Variants in PRKD2 observed in about 807,000 individuals in gnomAD.
The protein encoded by PRKD2 is serine/threonine-protein kinase D2.
A neutral mutation model predicts 86.0 loss-of-function variants in PRKD2; 22 were observed. The ratio of observed to expected loss-of-function variants is 0.26; its 90% CI spans 0.18 to 0.37. The LOEUF (loss-of-function observed/expected upper bound fraction) is 0.37. PRKD2 is among the 10% of genes least tolerant of loss of function. PRKD2 has a pLI of 1.00. For missense variants in PRKD2, 818 were observed against 1,199.2 expected, an observed-to-expected ratio of 0.68 and a Z score of 4.70; for synonymous variants, 509 against 510.9, an observed-to-expected ratio of 1.00 and a Z score of 0.05.
chr19:46,701,126 G>A lies in PRKD2; in HGVS notation c.890-14C>T, dbSNP rs1485449136. The A allele has an allele frequency of 3.7e-6, 6 of 1,613,026 alleles. No homozygotes were observed. The highest frequency in any genetic ancestry group is 5.1e-6 in the Non-Finnish European group (6 of 1,178,988). ...TAAACTTGCAGTCTGGTAGGACAGG[G>A]AACAAGGGAACGGGTGAGAAGGGGA... On this transcript the variant is annotated splice_polypyrimidine_tract_variant and intron_variant, in intron 5 of 17. Transcript: ENST00000291281.
chr19:46,708,285 T>C (rs931240633), intron 3 of PRKD2, among the ~76,000 whole-genome samples: 1 of 149,758 alleles, frequency 6.7e-6, no homozygotes, highest in African/African-American at 2.5e-5. Flanking sequence ...AGAGTGTGGC[T>C]GTAATCCAAT....
chr19:46,697,252 G>C lies in PRKD2; in HGVS notation c.1240-18C>G. ...CGCTTTCTCTGCAGAGATGTTTGAA[G>C]AGTCACGTGAACCGCCAGACTTTCC... On this transcript the variant is annotated intron_variant, in intron 8 of 17. Coordinates refer to ENST00000291281, the MANE Select transcript of PRKD2 (RefSeq NM_016457.5). 1 of 1,553,774 alleles carries C rather than the reference G, an allele frequency of 6.4e-7. No individual in the cohort carries two copies. Among genetic ancestry groups the C allele is most frequent in the Non-Finnish European group, 8.9e-7 (1 of 1,128,152 alleles).
At chr19:46,697,320 C>A in intron 8 of PRKD2, 86 bp from the exon 9 acceptor site, 2 of 1,012,694 alleles carry the variant, frequency 2.0e-6, no homozygotes, top group South Asian at 2.9e-5. Flanking sequence ...GCTCCAGGTG[C>A]CTGGAGCACC....
At chr19:46,702,246 T>C (rs1412281256) in intron 5 of PRKD2, among the ~76,000 whole-genome samples, 1 of 151,876 alleles carries the variant, frequency 6.6e-6, no homozygotes, top group Non-Finnish European at 1.5e-5. Context: ...TTCCATGTTG[T>C]ACAAGCTGGT....
intron 5 of PRKD2, among the ~76,000 whole-genome samples, chr19:46,703,322 C>T (rs1005733236): frequency 6.6e-6 from 1 of 152,034 alleles, no homozygotes. Flanking sequence ...TCTAGGATTC[C>T]AAGGTTCTAA....
At chr19:46,710,322 G>C (rs2053786815) in intron 3 of PRKD2, 1 of 152,786 alleles carries the variant, frequency 6.5e-6, no homozygotes, top group Admixed American at 6.5e-5. Flanking sequence ...CCTCCCAAGT[G>C]GCTGGGACCA....
intron 14 of PRKD2, among the ~76,000 whole-genome samples, chr19:46,681,986 G>A (rs1012630507): frequency 1.1e-4 from 16 of 151,694 alleles, no homozygotes; most frequent in East Asian, 1.9e-4. Context: ...GACTACAGGC[G>A]TGCACCACCA....
At position 46,678,322 on chromosome 19, in the gene PRKD2, T is replaced by C. The variant is rs1177069713; in HGVS notation, c.2338+74A>G. The stretch of plus-strand genomic sequence containing the variant: ...CAGGCTGTTTCCGGGTCCACCCCCC[T>C]CTCATGGCTCCGCCCACTTCTCCAG... On this transcript the variant is annotated intron_variant, in intron 16 of 17. Transcript: ENST00000291281. This position sits in a 1 kb window ranked among gnomAD's most constrained non-coding sequence, Gnocchi z 5.7. The C allele has an allele frequency of 6.4e-7, 1 of 1,552,724 alleles. No homozygotes were observed. The highest frequency in any genetic ancestry group is 8.7e-7 in the Non-Finnish European group (1 of 1,151,736).
At chr19:46,674,973 G>T in intron 17 of PRKD2, 60 bp downstream of exon 17, 1 of 1,466,404 alleles carries the variant, frequency 6.8e-7, no homozygotes, top group South Asian at 1.2e-5. Flanking sequence ...GCCAATAAGC[G>T]ATCTACTCCC....
At chr19:46,688,814 A>ATG (rs1425462659) in intron 14 of PRKD2, 1 of 150,498 alleles carries the variant, frequency 6.6e-6, no homozygotes, top group Non-Finnish European at 1.5e-5. Context: ...GGGTCTCGCT[A>ATG]TGTTGCCCAG....
At chr19:46,714,333 C>G (rs1168995905) in intron 1 of PRKD2, 52 of 1,065,980 alleles carry the variant, frequency 4.9e-5, no homozygotes, top group Non-Finnish European at 5.8e-5. Context: ...ACACTCCCTC[C>G]CCTGTGCCTC....
In PRKD2 at chr19:46,676,200, G is replaced by T. The variant is rs549653416; in HGVS notation, c.2339-1082C>A. 1.2e-4 allele frequency among the ~76,000 whole-genome samples: 19 copies of T among 152,218 alleles called. No individual in the cohort carries two copies. In the South Asian group the frequency reaches 2.9e-3, roughly 23 times the overall value. On this transcript the variant is annotated intron_variant, in intron 16 of 17. Transcript: ENST00000291281. ...TCCCAACACTTTGGGAGGCCGAGGC[G>T]GGTGGATCACCCGAGGTCAGGAGTT...
At chr19:46,709,379 T>C in intron 3 of PRKD2, 1 of 163,960 alleles carries the variant, frequency 6.1e-6, no homozygotes, top group Non-Finnish European at 1.4e-5. Flanking sequence ...TTTCATTTTT[T>C]TGAGACAGAG....
intron 17 of PRKD2, 144 bp from the exon 18 acceptor site, chr19:46,674,879 C>T: frequency 3.5e-6 from 4 of 1,159,252 alleles, no homozygotes; most frequent in Non-Finnish European, 4.9e-6. Flanking sequence ...CATTTAGCTC[C>T]ACCCCCTCTT....
In PRKD2 at chr19:46,710,926, G is replaced by A; in HGVS notation, c.492C>T (p.Arg164=). The A allele has an allele frequency of 1.9e-6, 3 of 1,576,550 alleles. No homozygotes were observed. The highest frequency in any genetic ancestry group is 2.6e-6 in the Non-Finnish European group (3 of 1,160,946). Residue 164 remains arginine (R), a synonymous_variant, in exon 3 of 18, where the codon CGC becomes CGT. Coordinates refer to ENST00000291281, the MANE Select transcript of PRKD2 (RefSeq NM_016457.5). The part of the protein sequence containing the change: ...HCGEMLFGLV[R]QGLKCDGCGL... ...TCTCACCATCGCACTTGAGGCCCTG[G>A]CGCACTAGGCCGAAGAGCATCTCCC... is the stretch of plus-strand genomic sequence containing the variant.
chr19:46,692,025 C>T (rs2053491380), intron 10 of PRKD2, 40 bp from the exon 11 acceptor site: 1 of 1,591,234 alleles, frequency 6.3e-7, no homozygotes. Context: ...GGACTCCAGG[C>T]TCAGGATTAT....
chr19:46,698,213 C>G (rs2053588638), intron 7 of PRKD2, among the ~76,000 whole-genome samples: 1 of 152,042 alleles, frequency 6.6e-6, no homozygotes, highest in South Asian at 2.1e-4. Context: ...TGAGGTTTCA[C>G]CATGTTGGCC....
At chr19:46,709,868 G>A (rs2053778311) in intron 3 of PRKD2, among the ~76,000 whole-genome samples, 1 of 149,692 alleles carries the variant, frequency 6.7e-6, no homozygotes, top group African/African-American at 2.4e-5. Flanking sequence ...CTGATAGGAT[G>A]GATTTTTTTT....
chr19:46,686,864 T>C (rs2053406268), intron 14 of PRKD2, among the ~76,000 whole-genome samples: 1 of 151,560 alleles, frequency 6.6e-6, no homozygotes, highest in East Asian at 1.9e-4. Flanking sequence ...GGTAGGAGAA[T>C]GGTGTGAACC....
Sources: gnomAD v4.1 joint callset for allele counts (sites outside exome capture counted in the v4.1 genomes callset) on GRCh38, gnomAD v4.1.1 for gene constraint, Gnocchi (gnomAD v3.1) non-coding constraint, MANE v1.5 for transcripts, NCBI Gene and HGNC (gene_info 2026-07-23, HGNC 2026-07-21) for gene names.